DLL1: variants seen among roughly 807,000 people sequenced by gnomAD.
DLL1 encodes the protein delta like canonical Notch ligand 1.
DLL1 carries 9 observed loss-of-function variants against 75.1 expected under a neutral mutation model. That is an observed-to-expected ratio of 0.12 (90% CI 0.07 to 0.21). The LOEUF is 0.21. Among genes scored for constraint, DLL1 ranks in the 10% least tolerant of loss-of-function variants. DLL1 has a pLI of 1.00. For missense variants in DLL1, 837 were observed against 1,007.6 expected (o/e 0.83, Z 2.29); for synonymous variants, 477 against 418.3 (o/e 1.14, Z -1.71).
Position 170,282,477 on chromosome 6 carries a change from A to C in DLL1, c.*397T>G. The C allele has an allele frequency of 3.4e-6, 1 of 291,338 alleles. No individual in the cohort carries two copies. Among genetic ancestry groups the C allele is most frequent in the Non-Finnish European group, 6.4e-6 (1 of 155,870 alleles). 18.0% of individuals were successfully genotyped at this position (291,338 alleles called of 1,614,324 possible). A position where few individuals can be genotyped will look rare whatever the true frequency, so the allele number is the denominator to read the frequency against. On this transcript the variant is annotated 3_prime_UTR_variant, in exon 11 of 11. Transcript: ENST00000366756. ...AATAACACACATCTTTTCCATCTAGAAAAAGCACATCTTCGTATCAAAAAG... is the reference window on the plus strand; with the variant it reads ...AATAACACACATCTTTTCCATCTAGCAAAAGCACATCTTCGTATCAAAAAG...
rs200081575 is a variant in DLL1, at chr6:170,283,870, G to A, written c.1409C>T (p.Pro470Leu). 1.8e-4 allele frequency: 290 copies of A among 1,606,038 alleles called. No homozygotes were observed. The highest frequency in any genetic ancestry group is 1.5e-3 in the East Asian group (68 of 44,790). Residue 470 changes from proline to leucine, a missense_variant, in exon 9 of 11, where the codon CCG becomes CTG. Pro to Leu is a moderately conservative substitution (Grantham distance 98, BLOSUM62 -3). Transcript: ENST00000366756. ...GCAGTTCCTGCCCGTGTAGCCAGGC[G>A]GGCAGGTGCAGGAGAAGTCGTTCAC... is the stretch of plus-strand genomic sequence containing the variant. ...DGVNDFSCTC[P>L]PGYTGRNCSA...
intron 4 of DLL1, among the ~76,000 whole-genome samples, chr6:170,286,898 TGG>T: frequency 6.6e-6 from 1 of 152,262 alleles, no homozygotes; most frequent in East Asian, 1.9e-4. Flanking sequence ...ATCTAATCTA[TGG>T]CACGCGCGAG....
Position 170,285,680 on chromosome 6 carries a change from C to T in DLL1, c.751G>A (p.Gly251Ser). ...CGGATACACTCGTCACAGTACCGGC[C>T]CTGCCAGCCCACTCTGCACCTTGGA... Reference protein sequence around the residue: ...GECKCRVGWQGRYCDECIRYP... With the variant: ...GECKCRVGWQSRYCDECIRYP... The change falls in exon 6 of 11, where the codon GGC becomes AGC. Residue 251 changes from glycine (G) to serine (S), a missense_variant. Coordinates refer to ENST00000366756, the MANE Select transcript of DLL1 (RefSeq NM_005618.4). The T allele has an allele frequency of 6.2e-7, 1 of 1,614,118 alleles. No individual in the cohort carries two copies. The highest frequency in any genetic ancestry group is 8.5e-7 in the Non-Finnish European group (1 of 1,180,036).
intron 8 of DLL1, among the ~76,000 whole-genome samples, chr6:170,284,414 CAG>C (rs989188517): frequency 1.4e-4 from 21 of 151,388 alleles, no homozygotes; most frequent in African/African-American, 5.1e-4. Context: ...GCACTGACAA[CAG>C]GGGAGGGAGG....
At chr6:170,282,906 G>A (rs761976201) in intron 10 of DLL1, 27 bp from the exon 11 acceptor site, 2 of 1,614,228 alleles carry the variant, frequency 1.2e-6, no homozygotes, top group Non-Finnish European at 1.7e-6. Flanking sequence ...CAAATGGGAA[G>A]TTAGCCTGAG....
Position 170,288,295 on chromosome 6 carries a change from C to T in DLL1, c.614G>A (p.Gly205Glu). The change falls in exon 4 of 11, where the codon GGG becomes GAG. Residue 205 changes from glycine to glutamate, a missense_variant. Physicochemically the swap from Gly to Glu is moderately conservative, Grantham distance 98. Around this residue, in one of 2 missense-constraint regions of DLL1, gnomAD observed 304 missense variants for 461.9 expected, o/e 0.66. Coordinates refer to ENST00000366756, the MANE Select transcript of DLL1 (RefSeq NM_005618.4). The part of the protein sequence containing the change: ...RDDAFGHFTC[G>E]ERGEKVCNPG... ...GTTGCACACTTTCTCCCCACGCTCCCCACAGGTGAAGTGGCCGAAGGCATC... is the reference window on the plus strand; with the variant it reads ...GTTGCACACTTTCTCCCCACGCTCCTCACAGGTGAAGTGGCCGAAGGCATC... 6.2e-7 allele frequency: 1 copy of T among 1,614,068 alleles called. No individual in the cohort carries two copies. The highest frequency in any genetic ancestry group is 8.5e-7 in the Non-Finnish European group (1 of 1,180,038).
Position 170,282,554 on chromosome 6 carries a change from A to G in DLL1, c.*320T>C. On this transcript the variant is annotated 3_prime_UTR_variant, in exon 11 of 11. Coordinates refer to ENST00000366756, the MANE Select transcript of DLL1 (RefSeq NM_005618.4). ...TAATTCAAGAAAAGACTGGCTCATA[A>G]GAATCCAAAATATACACTCAGGCAG... 1.9e-6 allele frequency: 1 copy of G among 524,884 alleles called. No homozygotes were observed. The highest frequency in any genetic ancestry group is 2.6e-5 in the South Asian group (1 of 38,096). The allele number at this position is 524,884 out of a possible 1,614,324, so 32.5% of individuals were successfully genotyped here. A position where few individuals can be genotyped will look rare whatever the true frequency, so the allele number is the denominator to read the frequency against.
chr6:170,290,028 G>T lies in DLL1; in HGVS notation c.54+58C>A. The T allele has an allele frequency of 6.6e-7, 1 of 1,512,800 alleles. No homozygotes were observed. Among genetic ancestry groups the T allele is most frequent in the Non-Finnish European group, 8.8e-7 (1 of 1,138,926 alleles). 93.7% of individuals were successfully genotyped at this position (1,512,800 alleles called of 1,614,324 possible). On this transcript the variant is annotated intron_variant, in intron 1 of 10. Transcript: ENST00000366756. The surrounding 1 kb of genome is among the most constrained non-coding windows in gnomAD (Gnocchi z 4.7). ...GCCCCTCCCCGCGCGCTCCTGCCCC[G>T]CGCCCCGGCTACCCGTGAGACCCCG...
In DLL1 at chr6:170,290,156, C is replaced by A. The variant is rs746428604; in HGVS notation, c.-17G>T. The A allele has an allele frequency of 3.1e-6, 5 of 1,592,820 alleles. No individual in the cohort carries two copies. Among genetic ancestry groups the A allele is most frequent in the Middle Eastern group, 1.7e-4 (1 of 6,036 alleles). Reference sequence around the variant, plus strand: ...ACTGCCCATGCTGCTTCGCTCCACGCGCGAGCCTGGGGGGCCCCCACTTCT... The same window carrying A: ...ACTGCCCATGCTGCTTCGCTCCACGAGCGAGCCTGGGGGGCCCCCACTTCT... On this transcript the variant is annotated 5_prime_UTR_variant, in exon 1 of 11. Transcript: ENST00000366756. The surrounding 1 kb of genome is among the most constrained non-coding windows in gnomAD (Gnocchi z 4.7).
intron 4 of DLL1, among the ~76,000 whole-genome samples, chr6:170,287,576 G>A (rs1783730897): frequency 6.6e-6 from 1 of 152,242 alleles, no homozygotes; most frequent in African/African-American, 2.4e-5. Context: ...TAAGAGGCAG[G>A]TAGAGCCTCT....
chr6:170,285,427 T>A lies in DLL1; in HGVS notation c.863-4A>T. 6.2e-7 allele frequency: 1 copy of A among 1,614,058 alleles called. No homozygotes were observed. The highest frequency in any genetic ancestry group is 1.6e-4 in the Middle Eastern group (1 of 6,062). ...TGGTGTGTGCAGTAGTTCAGGTCTGTGAAGGGTGGGGACAGGAAAAGTAGG... is the reference window on the plus strand; with the variant it reads ...TGGTGTGTGCAGTAGTTCAGGTCTGAGAAGGGTGGGGACAGGAAAAGTAGG... On this transcript the variant is annotated splice_region_variant and splice_polypyrimidine_tract_variant and intron_variant, in intron 6 of 10. Coordinates refer to ENST00000366756, the MANE Select transcript of DLL1 (RefSeq NM_005618.4).
rs748303856 is a variant in DLL1 at position 170,290,172 on chromosome 6, C to T, written c.-33G>A. ...CGCTCCACGCGCGAGCCTGGGGGGC[C>T]CCCACTTCTCTCCTTAGAACAGCGG... On this transcript the variant is annotated 5_prime_UTR_variant, in exon 1 of 11. Coordinates refer to ENST00000366756, the MANE Select transcript of DLL1 (RefSeq NM_005618.4). The surrounding 1 kb of genome is among the most constrained non-coding windows in gnomAD (Gnocchi z 4.7). The T allele has an allele frequency of 1.1e-5, 17 of 1,586,720 alleles. No homozygotes were observed. The highest frequency in any genetic ancestry group is 1.7e-4 in the Middle Eastern group (1 of 6,002).
Position 170,283,662 on chromosome 6 carries a change from C to G in DLL1, c.1617G>C (p.Gln539His). 1 of 1,586,436 alleles carries G rather than the reference C, an allele frequency of 6.3e-7. No individual in the cohort carries two copies. The highest frequency in any genetic ancestry group is 8.6e-7 in the Non-Finnish European group (1 of 1,165,980). ...VVDLTEKLEG[Q>H]GGPFPWVAVC... Reference sequence around the variant, plus strand: ...CGGCCACCCAGGGGAATGGCCCGCCCTGGCCCTCTAGCTTCTCAGTGAGGT... The same window carrying G: ...CGGCCACCCAGGGGAATGGCCCGCCGTGGCCCTCTAGCTTCTCAGTGAGGT... The change falls in exon 9 of 11, where the codon CAG (glutamine) becomes CAC (histidine). Residue 539 changes from glutamine (Q) to histidine (H), a missense_variant. Physicochemically the swap from Gln to His is conservative, Grantham distance 24 (BLOSUM62 0). Coordinates refer to ENST00000366756, the MANE Select transcript of DLL1 (RefSeq NM_005618.4).
In DLL1 at chr6:170,283,813, G is replaced by A; in HGVS notation, c.1466C>T (p.Pro489Leu). 10 of 1,594,642 alleles carry A rather than the reference G, an allele frequency of 6.3e-6. No homozygotes were observed. Among genetic ancestry groups the A allele is most frequent in the South Asian group, 1.1e-5 (1 of 89,056 alleles). ...GTGGCAGGTGGCCCCATTGTGGCAG[G>A]GTGCGTGCTCGCACCTGCTGACGGG... is the stretch of plus-strand genomic sequence containing the variant. ...SAPVSRCEHA[P>L]CHNGATCHER... The change falls in exon 9 of 11, where the codon CCC (proline) becomes CTC (leucine). Residue 489 changes from proline (P) to leucine (L), a missense_variant. By Grantham distance (98) the Pro-to-Leu change is moderately conservative. This residue lies in a region of DLL1 where 533 missense variants were observed against 545.7 expected (regional missense o/e 0.98). Transcript: ENST00000366756.
chr6:170,289,815 G>C lies in DLL1; in HGVS notation c.55-7C>G. The C allele has an allele frequency of 6.4e-7, 1 of 1,552,752 alleles. No homozygotes were observed. Among genetic ancestry groups the C allele is most frequent in the Non-Finnish European group, 8.7e-7 (1 of 1,148,124 alleles). ...ACACCCCAGAGCTCCAGACCTGCAC[G>C]GGGGAGGGCGGGGGCGTGAGGACGC... is the stretch of plus-strand genomic sequence containing the variant. On this transcript the variant is annotated splice_polypyrimidine_tract_variant and splice_region_variant and intron_variant, in intron 1 of 10. Transcript: ENST00000366756.
intron 8 of DLL1, 97 bp downstream of exon 8, chr6:170,284,822 C>T: frequency 1.6e-6 from 2 of 1,248,562 alleles, no homozygotes; most frequent in Non-Finnish European, 2.4e-6. Context: ...AAAAGTGATT[C>T]ATAAACTCGA....
chr6:170,282,862 C>T lies in DLL1; in HGVS notation c.*12G>A. ...TTAAGAGAAACGGGAGTCTTGCCAT[C>T]TCACTTCCATTTTACACCTGGGGGG... On this transcript the variant is annotated 3_prime_UTR_variant, in exon 11 of 11. Transcript: ENST00000366756. The T allele has an allele frequency of 1.2e-6, 2 of 1,614,202 alleles. No homozygotes were observed. The highest frequency in any genetic ancestry group is 1.7e-6 in the Non-Finnish European group (2 of 1,180,058).
At position 170,290,900 on chromosome 6, in the gene DLL1, G is replaced by C. The variant is rs1373663419; in HGVS notation, c.-761C>G. 5.8e-6 allele frequency: 4 copies of C among 692,364 alleles called. No homozygotes were observed. Among genetic ancestry groups the C allele is most frequent in the South Asian group, 3.0e-5 (2 of 66,964 alleles). The allele number at this position is 692,364 out of a possible 1,614,324, so 42.9% of individuals were successfully genotyped here. A position where few individuals can be genotyped will look rare whatever the true frequency, so the allele number is the denominator to read the frequency against. On this transcript the variant is annotated 5_prime_UTR_variant, in exon 1 of 11. Transcript: ENST00000366756. The surrounding 1 kb of genome is among the most constrained non-coding windows in gnomAD (Gnocchi z 4.7). ...CCTGCGCTCTGCCCTCGGCCGGGTC[G>C]GGTCTCCGCGGGTGCGCGCAGAGGA...
intron 4 of DLL1, among the ~76,000 whole-genome samples, chr6:170,286,828 C>CA (rs201022588): frequency 0.012 from 1,829 of 152,262 alleles, 35 homozygotes; most frequent in African/African-American, 0.041. Context: ...CACACACACG[C>CA]ACACGCACCC....
Sources: gnomAD v4.1 joint callset for allele counts (sites outside exome capture counted in the v4.1 genomes callset) on GRCh38, gnomAD v4.1.1 for gene constraint, gnomAD v4.1.1 regional missense constraint, Gnocchi (gnomAD v3.1) non-coding constraint, MANE v1.5 for transcripts, NCBI Gene and HGNC (gene_info 2026-07-23, HGNC 2026-07-21) for gene names.